Variants in REEP3 observed in about 807,000 individuals in gnomAD.
REEP3 encodes the protein receptor accessory protein 3, also known as receptor expression-enhancing protein 3.
REEP3 carries 20 observed loss-of-function variants against 41.3 expected under a neutral mutation model. That is an observed-to-expected ratio of 0.48 (90% CI 0.34 to 0.70). REEP3 has a LOEUF of 0.70. REEP3 is among the 30% of genes least tolerant of loss of function. REEP3 has a pLI of 0.01. For synonymous variants in REEP3, 104 were observed against 101.8 expected (o/e 1.02, Z -0.13); for missense variants, 271 against 308.8 (o/e 0.88, Z 0.92).
Position 63,521,597 on chromosome 10 carries a change from C to A in REEP3, c.32+20C>A. 7.1e-7 allele frequency: 1 copy of A among 1,402,640 alleles called. No individual in the cohort carries two copies. Among genetic ancestry groups the A allele is most frequent in the South Asian group, 1.6e-5 (1 of 64,348 alleles). The allele number at this position is 1,402,640 out of a possible 1,614,324, so 86.9% of individuals were successfully genotyped here. On this transcript the variant is annotated intron_variant, in intron 1 of 7. Coordinates refer to ENST00000373758, the MANE Select transcript of REEP3 (RefSeq NM_001001330.3). ...CGTGGTGTAAGTGCCTCTCACTGCG[C>A]CCTGCAGCCGGCGCGAGGCCCAGGG...
At chr10:63,542,267 C>T (rs1490712743) in intron 1 of REEP3, among the ~76,000 whole-genome samples, 2 of 151,946 alleles carry the variant, frequency 1.3e-5, no homozygotes, top group Non-Finnish European at 2.9e-5. Flanking sequence ...TTAATAGAGA[C>T]AGGGTTCCCA....
Position 63,521,514 on chromosome 10 carries a change from G to T in REEP3, c.-32G>T. ...GGTCCGCAGCGCCCTGCGCCCACCC[G>T]CCCCGGACGTGGGGCCCAAGCCCCC... On this transcript the variant is annotated 5_prime_UTR_variant, in exon 1 of 8. Coordinates refer to ENST00000373758, the MANE Select transcript of REEP3 (RefSeq NM_001001330.3). 5.8e-6 allele frequency: 8 copies of T among 1,389,416 alleles called. No homozygotes were observed. Among genetic ancestry groups the T allele is most frequent in the Non-Finnish European group, 7.6e-6 (8 of 1,057,090 alleles). 86.1% of individuals were successfully genotyped at this position (1,389,416 alleles called of 1,614,324 possible).
intron 6 of REEP3, among the ~76,000 whole-genome samples, chr10:63,611,733 ATTAAAAAAAC>A (rs1425222621): frequency 6.6e-6 from 1 of 151,910 alleles, no homozygotes. Context: ...AAAAATAAAA[ATTAAAAAAAC>A]TGTTCCTTCT....
intron 1 of REEP3, among the ~76,000 whole-genome samples, chr10:63,522,048 G>A (rs1955274192): frequency 6.6e-6 from 1 of 152,112 alleles, no homozygotes; most frequent in East Asian, 1.9e-4. Flanking sequence ...CGACGGCAGT[G>A]CCGAGCCTTT....
Position 63,589,785 on chromosome 10 carries a change from C to CTTTTTTTTTTT in REEP3, c.106-4977_106-4967dup, listed in dbSNP as rs59658061. On this transcript the variant is annotated intron_variant, in intron 2 of 7. Coordinates refer to ENST00000373758, the MANE Select transcript of REEP3 (RefSeq NM_001001330.3). ...TAATGTACTAAGAACAGCAGAACATCTTTTTTTTTTTTTTTTTTTTTTTTT... is the reference window on the plus strand; with the variant it reads ...TAATGTACTAAGAACAGCAGAACATCTTTTTTTTTTTTTTTTTTTTTTTTTTTTTTTTTTTT... Among the ~76,000 whole-genome samples, 29 of 80,834 alleles carry CTTTTTTTTTTT rather than the reference C, an allele frequency of 3.6e-4. 5 individuals carry two copies. Among genetic ancestry groups the CTTTTTTTTTTT allele is most frequent in the Non-Finnish European group, 5.1e-4 (22 of 43,500 alleles). 53.0% of individuals were successfully genotyped at this position (80,834 alleles called of 152,430 possible). A position where few individuals can be genotyped will look rare whatever the true frequency, so the allele number is the denominator to read the frequency against.
In REEP3 at chr10:63,606,345, T is replaced by C. The variant is rs190232981; in HGVS notation, c.418-3842T>C. Among the ~76,000 whole-genome samples, 79 of 50,394 alleles carry C rather than the reference T, an allele frequency of 1.6e-3. No individual in the cohort carries two copies. The East Asian group carries it at 0.056, about 35-fold the overall frequency. 33.1% of individuals were successfully genotyped at this position (50,394 alleles called of 152,430 possible). On this transcript the variant is annotated intron_variant, in intron 5 of 7. Transcript: ENST00000373758. Reference sequence around the variant, plus strand: ...CTTTCTCCCTCTCTTTGTTTCTTTCTCTCTCTCTCTTTCTTTCTTTGTCTT... The same window carrying C: ...CTTTCTCCCTCTCTTTGTTTCTTTCCCTCTCTCTCTTTCTTTCTTTGTCTT...
chr10:63,581,560 G>A (rs1427815978), intron 2 of REEP3, among the ~76,000 whole-genome samples: 1 of 152,042 alleles, frequency 6.6e-6, no homozygotes, highest in Non-Finnish European at 1.5e-5. Context: ...GGGCAACATA[G>A]CAAGACTCTG....
chr10:63,577,964 T>C (rs2086779741), intron 2 of REEP3, among the ~76,000 whole-genome samples: 1 of 152,210 alleles, frequency 6.6e-6, no homozygotes, highest in South Asian at 2.1e-4. Context: ...TACTGTTGTT[T>C]TAATATTTGT....
At chr10:63,565,659 G>A (rs2133375022) in intron 1 of REEP3, among the ~76,000 whole-genome samples, 1 of 152,250 alleles carries the variant, frequency 6.6e-6, no homozygotes, top group South Asian at 2.1e-4. Context: ...ACTACACGTG[G>A]ATAAATAGTG....
intron 2 of REEP3, among the ~76,000 whole-genome samples, 157 bp from the exon 3 acceptor site, chr10:63,594,621 A>G (rs1956096474): frequency 6.6e-6 from 1 of 152,212 alleles, no homozygotes; most frequent in African/African-American, 2.4e-5. Context: ...AAATTAAACC[A>G]TCACTTTCTG....
rs1248625607 is a variant in REEP3, at chr10:63,624,989, C to A, written c.*4120C>A. ...TGTTTTAAGAAGTTTCTTTGTGTTACTTCATTATGACACATAATGCGTGTT... is the reference window on the plus strand; with the variant it reads ...TGTTTTAAGAAGTTTCTTTGTGTTAATTCATTATGACACATAATGCGTGTT... On this transcript the variant is annotated 3_prime_UTR_variant, in exon 8 of 8. Coordinates refer to ENST00000373758, the MANE Select transcript of REEP3 (RefSeq NM_001001330.3). 1 of 152,030 alleles carries A rather than the reference C, an allele frequency of 6.6e-6. No individual in the cohort carries two copies. Among genetic ancestry groups the A allele is most frequent in the African/African-American group, 2.4e-5 (1 of 41,404 alleles). The allele number at this position is 152,030 out of a possible 1,614,324, so 9.4% of individuals were successfully genotyped here.
At chr10:63,527,030 A>G (rs1955371288) in intron 1 of REEP3, among the ~76,000 whole-genome samples, 1 of 152,122 alleles carries the variant, frequency 6.6e-6, no homozygotes, top group Non-Finnish European at 1.5e-5. Flanking sequence ...CTATATATCG[A>G]TATTTCCCTT....
intron 2 of REEP3, among the ~76,000 whole-genome samples, chr10:63,587,296 C>T (rs1956017020): frequency 6.6e-6 from 1 of 152,216 alleles, no homozygotes; most frequent in Non-Finnish European, 1.5e-5. Flanking sequence ...GAGGATATCT[C>T]AACCACAGTT....
chr10:63,530,017 G>C (rs1239143879), intron 1 of REEP3, among the ~76,000 whole-genome samples: 1 of 151,386 alleles, frequency 6.6e-6, no homozygotes, highest in African/African-American at 2.4e-5. Context: ...GACCTCAGGT[G>C]ATCCACCTGC....
intron 2 of REEP3, among the ~76,000 whole-genome samples, chr10:63,569,600 G>T (rs1473407500): frequency 6.6e-6 from 1 of 151,854 alleles, no homozygotes; most frequent in Non-Finnish European, 1.5e-5. Flanking sequence ...AACGTCAAAG[G>T]TAAAGGGATA....
intron 1 of REEP3, among the ~76,000 whole-genome samples, chr10:63,522,076 CG>C (rs1375928340): frequency 6.6e-6 from 1 of 152,078 alleles, no homozygotes; most frequent in Non-Finnish European, 1.5e-5. Flanking sequence ...GCGGCTGATG[CG>C]TTGCGGTGTC....
At position 63,531,897 on chromosome 10, in the gene REEP3, G is replaced by C. The variant is rs77123245; in HGVS notation, c.32+10320G>C. On this transcript the variant is annotated intron_variant, in intron 1 of 7. Transcript: ENST00000373758. ...AAATACTGTTGCTACTTGTAGAAAA[G>C]AAATTACTGTTGCTGATCAATCTGT... is the stretch of plus-strand genomic sequence containing the variant. Among the ~76,000 whole-genome samples the C allele has an allele frequency of 2.4e-3, 365 of 152,276 alleles. 2 individuals are homozygous for C. The East Asian group carries it at 0.04, about 17-fold the overall frequency.
chr10:63,524,100 G>A (rs139403001), intron 1 of REEP3, among the ~76,000 whole-genome samples: 17 of 152,258 alleles, frequency 1.1e-4, no homozygotes, highest in Admixed American at 2.0e-4. Flanking sequence ...TTTGTGAGCC[G>A]TGAACACATT....
intron 5 of REEP3, among the ~76,000 whole-genome samples, chr10:63,603,173 C>T (rs982778613): frequency 6.6e-5 from 10 of 151,542 alleles, no homozygotes; most frequent in Non-Finnish European, 8.8e-5. Flanking sequence ...ATTAGGTGGG[C>T]GTGGTGGTGG....
Sources: gnomAD v4.1 joint callset for allele counts (sites outside exome capture counted in the v4.1 genomes callset) on GRCh38, gnomAD v4.1.1 for gene constraint, MANE v1.5 for transcripts, NCBI Gene and HGNC (gene_info 2026-07-23, HGNC 2026-07-21) for gene names.